The following HSD17B12 variants were observed in gnomAD, a reference collection of about 807,000 sequenced individuals.
HSD17B12 encodes hydroxysteroid 17-beta dehydrogenase 12, also known as very-long-chain 3-oxoacyl-CoA reductase.
Under a neutral mutation model 39.3 loss-of-function variants are expected in HSD17B12, and 32 were observed. The observed-to-expected ratio is 0.81, with a 90% confidence interval of 0.61 to 1.09. HSD17B12 has a LOEUF of 1.09. Among genes scored for constraint, HSD17B12 ranks in the 50% least tolerant of loss-of-function variants. The probability of loss-of-function intolerance (pLI) is 0.00; values close to 1 mark genes in which losing one functional copy is unlikely to be tolerated. For missense variants in HSD17B12, 342 were observed against 382.9 expected, an observed-to-expected ratio of 0.89 and a Z score of 0.89; for synonymous variants, 150 against 146.7, an observed-to-expected ratio of 1.02 and a Z score of -0.16.
intron 2 of HSD17B12, among the ~76,000 whole-genome samples, chr11:43,753,167 A>T (rs1950480572): frequency 1.3e-5 from 2 of 152,152 alleles, no homozygotes; most frequent in South Asian, 4.1e-4. Flanking sequence ...CATTATGTAC[A>T]ACACTTACAT....
the HSD17B12 span, chr11:43,581,476 G>T: frequency 2.0e-6 from 1 of 508,700 alleles, no homozygotes; most frequent in Admixed American, 2.0e-5. This position sits in a 1 kb window ranked among gnomAD's most constrained non-coding sequence, Gnocchi z 4.9. Flanking sequence ...AAGCATTTGC[G>T]GAGGGCGCAC....
chr11:43,751,287 C>CA (rs1384917089), intron 2 of HSD17B12, among the ~76,000 whole-genome samples: 1 of 151,976 alleles, frequency 6.6e-6, no homozygotes, highest in African/African-American at 2.4e-5. Flanking sequence ...AACTATTTTC[C>CA]AAAAAATGAA....
chr11:43,733,097 T>C (rs1022847302), intron 1 of HSD17B12, among the ~76,000 whole-genome samples: 7 of 152,184 alleles, frequency 4.6e-5, no homozygotes, highest in African/African-American at 1.7e-4. Flanking sequence ...TGGTTAAAGG[T>C]AATGAAAAAT....
rs528394172 is a variant in HSD17B12 at position 43,759,170 on chromosome 11, AC to A, written c.283+5050del. On this transcript the variant is annotated intron_variant, in intron 3 of 10. Transcript: ENST00000278353. ...GGGGGATTGATGAGGAAATTACTTGACAAGTGAAAAAAATCAAGGACTTTTT... is the reference window on the plus strand; with the variant it reads ...GGGGGATTGATGAGGAAATTACTTGAAAGTGAAAAAAATCAAGGACTTTTT... Among the ~76,000 whole-genome samples the A allele has an allele frequency of 1.0e-3, 152 of 152,304 alleles. 1 individual carries two copies. Among genetic ancestry groups the A allele is most frequent in the African/African-American group, 3.6e-3 (149 of 41,562 alleles).
chr11:43,746,719 T>TAA (rs1950415927), intron 1 of HSD17B12, among the ~76,000 whole-genome samples: 1 of 152,230 alleles, frequency 6.6e-6, no homozygotes, highest in African/African-American at 2.4e-5. Context: ...ATGTTATATA[T>TAA]AATTGTATGT....
chr11:43,773,619 T>C (rs1249535985), intron 3 of HSD17B12, among the ~76,000 whole-genome samples: 2 of 152,226 alleles, frequency 1.3e-5, no homozygotes, highest in African/African-American at 4.8e-5. Context: ...AAATACTCCG[T>C]GTCCCCATAT....
intron 4 of HSD17B12, among the ~76,000 whole-genome samples, chr11:43,809,892 A>G (rs1951054444): frequency 6.6e-6 from 1 of 152,242 alleles, no homozygotes. Context: ...GAACTGGATT[A>G]GCATTTATAA....
chr11:43,794,387 G>A (rs533021172), intron 3 of HSD17B12, among the ~76,000 whole-genome samples: 1 of 152,302 alleles, frequency 6.6e-6, no homozygotes, highest in Non-Finnish European at 1.5e-5. Context: ...TAATTGAAAT[G>A]TTTAATGTAA....
At chr11:43,844,346 A>G (rs1264661483) in intron 9 of HSD17B12, among the ~76,000 whole-genome samples, 1 of 152,202 alleles carries the variant, frequency 6.6e-6, no homozygotes, top group Non-Finnish European at 1.5e-5. Context: ...GCCTTCAAGA[A>G]TTCAGATTTG....
At chr11:43,748,819 G>A (rs891555870) in intron 1 of HSD17B12, among the ~76,000 whole-genome samples, 5 of 152,076 alleles carry the variant, frequency 3.3e-5, no homozygotes, top group African/African-American at 1.2e-4. Flanking sequence ...TTTGAAAACT[G>A]ATAAATAAAG....
intron 4 of HSD17B12, among the ~76,000 whole-genome samples, chr11:43,810,107 G>A (rs1951056008): frequency 6.6e-6 from 1 of 152,126 alleles, no homozygotes; most frequent in South Asian, 2.1e-4. Flanking sequence ...ACCCGTATCT[G>A]TTAGAATTGT....
intron 3 of HSD17B12, among the ~76,000 whole-genome samples, chr11:43,781,387 T>C (rs539156192): frequency 6.6e-6 from 1 of 152,296 alleles, no homozygotes; most frequent in South Asian, 2.1e-4. Context: ...AGTTGCAGAA[T>C]AGCATTTTTA....
At chr11:43,722,017 G>T (rs898612876) in intron 1 of HSD17B12, among the ~76,000 whole-genome samples, 3 of 152,170 alleles carry the variant, frequency 2.0e-5, no homozygotes, top group Admixed American at 1.3e-4. Context: ...GTGAGAAGTG[G>T]TCATACGTGG....
chr11:43,717,421 C>A (rs1950133954), intron 1 of HSD17B12, among the ~76,000 whole-genome samples: 1 of 152,136 alleles, frequency 6.6e-6, no homozygotes. Flanking sequence ...TTCAGACTAG[C>A]CTTTTCTCCA....
intron 4 of HSD17B12, among the ~76,000 whole-genome samples, chr11:43,806,787 A>C (rs955623630): frequency 6.6e-6 from 1 of 152,210 alleles, no homozygotes; most frequent in African/African-American, 2.4e-5. Flanking sequence ...GGATGACTAT[A>C]ATCAATTGTA....
the HSD17B12 span, among the ~76,000 whole-genome samples, chr11:43,648,300 TAA>T: frequency 2.0e-5 from 3 of 152,114 alleles, no homozygotes; most frequent in East Asian, 1.9e-4. Flanking sequence ...ATGATTTTAA[TAA>T]GTCATTCTTG....
At chr11:43,656,628 A>G in the HSD17B12 span, among the ~76,000 whole-genome samples, 3 of 152,230 alleles carry the variant, frequency 2.0e-5, no homozygotes, top group Non-Finnish European at 2.9e-5. Flanking sequence ...TTCAAAGAAC[A>G]TCTTTATTTC....
intron 6 of HSD17B12, 134 bp downstream of exon 6, chr11:43,816,525 A>G (rs903529992): frequency 1.4e-5 from 8 of 591,524 alleles, no homozygotes; most frequent in South Asian, 1.3e-4. Flanking sequence ...CAAGTGGTCT[A>G]TTAACTTATT....
chr11:43,623,189 G>A, the HSD17B12 span, among the ~76,000 whole-genome samples: 4 of 151,996 alleles, frequency 2.6e-5, no homozygotes, highest in African/African-American at 9.7e-5. Flanking sequence ...GTTTTAATCT[G>A]GAGAAAGAGA....
Sources: gnomAD v4.1 joint callset for allele counts (sites outside exome capture counted in the v4.1 genomes callset) on GRCh38, gnomAD v4.1.1 for gene constraint, Gnocchi (gnomAD v3.1) non-coding constraint, MANE v1.5 for transcripts, NCBI Gene and HGNC (gene_info 2026-07-23, HGNC 2026-07-21) for gene names.